The following SLF1 variants were observed in gnomAD, a reference collection of about 807,000 sequenced individuals.
The protein encoded by SLF1 is SMC5/6 complex localization factor 1, also known as SMC5-SMC6 complex localization factor protein 1.
Under a neutral mutation model 123.0 loss-of-function variants are expected in SLF1, and 105 were observed. The observed-to-expected ratio is 0.85, with a 90% CI of 0.73 to 1.00. SLF1 has a LOEUF of 1.00. Among genes scored for constraint, SLF1 ranks in the 50% least tolerant of loss-of-function variants. The pLI is 0.00. For synonymous variants in SLF1, 434 were observed against 406.6 expected (o/e 1.07, Z -0.81); for missense variants, 1,239 against 1,223.0 (o/e 1.01, Z -0.20).
intron 6 of SLF1, among the ~76,000 whole-genome samples, chr5:94,649,814 TC>T (rs1346739810): frequency 6.6e-6 from 1 of 152,176 alleles, no homozygotes; most frequent in African/African-American, 2.4e-5. Context: ...TACACAGAGT[TC>T]CTTATACATA....
intron 3 of SLF1, among the ~76,000 whole-genome samples, chr5:94,629,414 CAA>C (rs5869632): frequency 2.0e-5 from 3 of 147,136 alleles, no homozygotes; most frequent in East Asian, 2.0e-4. Context: ...TTGTTTAAGA[CAA>C]AAAAAAAATA....
At chr5:94,635,428 G>T (rs559184950) in intron 4 of SLF1, among the ~76,000 whole-genome samples, 32 of 148,136 alleles carry the variant, frequency 2.2e-4, no homozygotes, top group Admixed American at 1.6e-3. Flanking sequence ...TATGTTTAGG[G>T]TTATTATCGG....
Position 94,678,802 on chromosome 5 carries a change from T to C in SLF1, c.1828-6T>C, listed in dbSNP as rs182612335. The stretch of plus-strand genomic sequence containing the variant: ...TTTTAGTAATTTTTTTGTATCTTAA[T>C]GTTAGGTCTTCAAACATGAACTAGC... On this transcript the variant is annotated splice_region_variant and splice_polypyrimidine_tract_variant and intron_variant, in intron 14 of 20. Transcript: ENST00000265140. 1.0e-4 allele frequency: 161 copies of C among 1,607,690 alleles called. No individual in the cohort carries two copies. In the African/African-American group the frequency reaches 2.0e-3, roughly 20 times the overall value.
intron 14 of SLF1, among the ~76,000 whole-genome samples, chr5:94,673,296 C>T (rs1301706043): frequency 6.6e-6 from 1 of 152,084 alleles, no homozygotes; most frequent in Non-Finnish European, 1.5e-5. Flanking sequence ...TGGCCTAGCA[C>T]TTCCTCATAA....
At chr5:94,644,865 TTG>T (rs1268729483) in intron 5 of SLF1, among the ~76,000 whole-genome samples, 1 of 152,216 alleles carries the variant, frequency 6.6e-6, no homozygotes, top group Non-Finnish European at 1.5e-5. Context: ...GTCTTTTCCT[TTG>T]TTTTATTCTG....
chr5:94,672,772 T>C (rs1266728122), intron 14 of SLF1, among the ~76,000 whole-genome samples: 1 of 152,226 alleles, frequency 6.6e-6, no homozygotes, highest in African/African-American at 2.4e-5. Flanking sequence ...ATTCCATATC[T>C]GAAGTCTTTA....
intron 5 of SLF1, 111 bp downstream of exon 5, chr5:94,643,546 T>G: frequency 2.7e-6 from 2 of 741,182 alleles, no homozygotes; most frequent in Non-Finnish European, 3.9e-6. Flanking sequence ...GAAACTACAT[T>G]GGTAGTAATT....
At position 94,654,644 on chromosome 5, in the gene SLF1, T is replaced by G. The variant is rs1272003872; in HGVS notation, c.1047T>G (p.Asn349Lys). ...GCTATATGCAGAAAGAAATGAAGAA[T>G]TCTATTTTTGCTGAATATGCCAAAG... ...IYNRDQKEMK[N>K]SIFAEYAKES... Residue 349 changes from asparagine to lysine, a missense_variant, in exon 9 of 21, where the codon AAT (asparagine) becomes AAG (lysine). Coordinates refer to ENST00000265140, the MANE Select transcript of SLF1 (RefSeq NM_032290.4). 6.5e-7 allele frequency: 1 copy of G among 1,538,320 alleles called. No individual in the cohort carries two copies.
rs775622208 is a variant in SLF1 at position 94,630,533 on chromosome 5, T to G, written c.221T>G (p.Ile74Ser). The G allele has an allele frequency of 3.9e-6, 6 of 1,551,528 alleles. No homozygotes were observed. In the African/African-American group the frequency reaches 6.8e-5, roughly 18 times the overall value. ...TGGATACTAACCAAGGACTATATAA[T>G]TCATAGTGCCAAAAGTGGCAGATGG... ...GKWILTKDYI[I>S]HSAKSGRWLD... Residue 74 changes from isoleucine to serine, a missense_variant, in exon 4 of 21, where the codon ATT becomes AGT. Ile to Ser is a moderately radical substitution (Grantham distance 142, BLOSUM62 -2). Transcript: ENST00000265140.
intron 16 of SLF1, among the ~76,000 whole-genome samples, chr5:94,687,517 C>T (rs1752575530): frequency 6.6e-6 from 1 of 151,988 alleles, no homozygotes; most frequent in South Asian, 2.1e-4. Flanking sequence ...GGCAACATAG[C>T]AATACTCTGT....
chr5:94,679,992 A>G (rs74518217), intron 15 of SLF1, among the ~76,000 whole-genome samples: 140 of 152,288 alleles, frequency 9.2e-4, no homozygotes, highest in African/African-American at 3.2e-3. Flanking sequence ...TACATTTTAA[A>G]CCAAGTAAGT....
At chr5:94,631,715 G>T (rs1040686294) in intron 4 of SLF1, among the ~76,000 whole-genome samples, 1 of 152,058 alleles carries the variant, frequency 6.6e-6, no homozygotes, top group Non-Finnish European at 1.5e-5. Flanking sequence ...TGAACATTTG[G>T]TTACAAGTAT....
At chr5:94,675,753 A>G (rs1585206672) in intron 14 of SLF1, among the ~76,000 whole-genome samples, 1 of 152,162 alleles carries the variant, frequency 6.6e-6, no homozygotes, top group Non-Finnish European at 1.5e-5. Flanking sequence ...AGCTATAGTT[A>G]TTCCTCGAAA....
chr5:94,653,253 G>A lies in SLF1; in HGVS notation c.883-19G>A. The A allele has an allele frequency of 6.7e-7, 1 of 1,494,002 alleles. No individual in the cohort carries two copies. Among genetic ancestry groups the A allele is most frequent in the Admixed American group, 2.5e-5 (1 of 39,934 alleles). 92.5% of individuals were successfully genotyped at this position (1,494,002 alleles called of 1,614,324 possible). ...ATGTCATTGATGTTGAGATTTAATT[G>A]TGGTCTAAATACATGTAGAAGGAAA... On this transcript the variant is annotated intron_variant, in intron 7 of 20. Transcript: ENST00000265140.
rs1239605158 is a variant in SLF1 at position 94,629,154 on chromosome 5, A to G, written c.177A>G (p.Ala59=). Residue 59 remains alanine (A), a synonymous_variant, in exon 3 of 21, where the codon GCA becomes GCG. Coordinates refer to ENST00000265140, the MANE Select transcript of SLF1 (RefSeq NM_032290.4). ...TATGTAAGAGTGAAAAATTTTTAGC[A>G]GCTTGTGCGGCAGGTAAGTTAACTG... ...ERLCKSEKFL[A]ACAAGKWILT... 6.5e-7 allele frequency: 1 copy of G among 1,548,010 alleles called. No homozygotes were observed. The highest frequency in any genetic ancestry group is 1.4e-5 in the African/African-American group (1 of 72,932).
intron 12 of SLF1, 38 bp downstream of exon 12, chr5:94,666,062 G>T: frequency 6.7e-7 from 1 of 1,484,364 alleles, no homozygotes; most frequent in South Asian, 1.3e-5. Context: ...ACATTTCATT[G>T]AGTAGTTGTT....
At chr5:94,620,676 G>A (rs1336850155) in intron 1 of SLF1, among the ~76,000 whole-genome samples, 1 of 152,128 alleles carries the variant, frequency 6.6e-6, no homozygotes, top group Non-Finnish European at 1.5e-5. Flanking sequence ...ATTCTCTCAA[G>A]AATGTAACTA....
intron 1 of SLF1, among the ~76,000 whole-genome samples, chr5:94,624,997 T>C (rs2152463067): frequency 6.6e-6 from 1 of 150,606 alleles, no homozygotes; most frequent in South Asian, 2.1e-4. Context: ...CCATCCTAGA[T>C]AACACAGTGA....
intron 1 of SLF1, among the ~76,000 whole-genome samples, chr5:94,621,822 G>A (rs1438497197): frequency 1.3e-5 from 2 of 151,950 alleles, no homozygotes. Flanking sequence ...ATAATGCTAT[G>A]GAAGTAAGAA....
Sources: gnomAD v4.1 joint callset for allele counts (sites outside exome capture counted in the v4.1 genomes callset) on GRCh38, gnomAD v4.1.1 for gene constraint, MANE v1.5 for transcripts, NCBI Gene and HGNC (gene_info 2026-07-23, HGNC 2026-07-21) for gene names.